The following ATR variants were observed in gnomAD, a reference collection of about 807,000 sequenced individuals.
ATR encodes the protein serine/threonine-protein kinase ATR.
A neutral mutation model predicts 305.3 loss-of-function variants in ATR; 142 were observed. The observed-to-expected ratio is 0.47, with a 90% CI of 0.41 to 0.53. The LOEUF (loss-of-function observed/expected upper bound fraction) is 0.53. ATR is among the 20% of genes least tolerant of loss of function. ATR has a pLI of 0.00. For synonymous variants in ATR, 1,050 were observed against 1,068.1 expected, an observed-to-expected ratio of 0.98 and a Z score of 0.33; for missense variants, 2,135 against 3,133.1, an observed-to-expected ratio of 0.68 and a Z score of 7.60.
At chr3:142,466,739 A>G (rs528270226) in intron 39 of ATR, among the ~76,000 whole-genome samples, 210 of 152,280 alleles carry the variant, frequency 1.4e-3, no homozygotes, top group African/African-American at 4.7e-3. Flanking sequence ...TAAAGGAGAG[A>G]GTAGAGGCCT....
Position 142,519,772 on chromosome 3 carries a change from T to C in ATR, c.4279A>G (p.Ile1427Val). 2 of 1,609,644 alleles carry C rather than the reference T, an allele frequency of 1.2e-6. No individual in the cohort carries two copies. Among genetic ancestry groups the C allele is most frequent in the Non-Finnish European group, 1.7e-6 (2 of 1,175,878 alleles). ...GTCTCCATCTCTCTACAGTCATAAATAGAAAGCAACTCCTACAAATACATA... is the reference window on the plus strand; with the variant it reads ...GTCTCCATCTCTCTACAGTCATAAACAGAAAGCAACTCCTACAAATACATA... Reference protein sequence around the residue: ...AAYAIQELLSIYDCREMETNG... With the variant: ...AAYAIQELLSVYDCREMETNG... The change falls in exon 24 of 47, where the codon ATT (isoleucine) becomes GTT (valine). Residue 1427 changes from isoleucine (I) to valine (V), a missense_variant. Transcript: ENST00000350721.
chr3:142,542,975 C>T (rs373135809), intron 16 of ATR, among the ~76,000 whole-genome samples: 7 of 151,852 alleles, frequency 4.6e-5, no homozygotes, highest in East Asian at 1.9e-4. Context: ...ATAGTCACCA[C>T]GAAAAAATAT....
Position 142,556,369 on chromosome 3 carries a change from A to G in ATR, c.2078+14T>C, listed in dbSNP as rs747202319. ...AATAGAGTGATATATTCAAATTAAA[A>G]TCTTAGTACATACATAAGAATCTTG... On this transcript the variant is annotated intron_variant, in intron 9 of 46. Transcript: ENST00000350721. 1 of 1,604,774 alleles carries G rather than the reference A, an allele frequency of 6.2e-7. No homozygotes were observed. Among genetic ancestry groups the G allele is most frequent in the Non-Finnish European group, 8.5e-7 (1 of 1,171,472 alleles).
chr3:142,470,551 A>G (rs1025279738), intron 36 of ATR, among the ~76,000 whole-genome samples: 1 of 152,114 alleles, frequency 6.6e-6, no homozygotes, highest in Non-Finnish European at 1.5e-5. Flanking sequence ...TATTTCTGGG[A>G]AATTATAATA....
chr3:142,560,641 A>G (rs1225256612), intron 5 of ATR, among the ~76,000 whole-genome samples, 187 bp from the exon 6 acceptor site: 5 of 151,968 alleles, frequency 3.3e-5, no homozygotes, highest in Non-Finnish European at 5.9e-5. Flanking sequence ...GCTCACTGCA[A>G]GCTCCGCCTC....
chr3:142,568,722 C>T (rs1270304629), intron 1 of ATR, among the ~76,000 whole-genome samples: 1 of 152,220 alleles, frequency 6.6e-6, no homozygotes, highest in Non-Finnish European at 1.5e-5. Flanking sequence ...TTGGAAATGC[C>T]TGCTCCCGCT....
intron 41 of ATR, among the ~76,000 whole-genome samples, chr3:142,462,527 G>A (rs981052266): frequency 2.7e-5 from 4 of 150,904 alleles, no homozygotes; most frequent in African/African-American, 9.8e-5. Context: ...GGAGTGCAGT[G>A]GCTCAATCTC....
At chr3:142,469,247 A>G in intron 38 of ATR, 90 bp downstream of exon 38, 1 of 1,061,452 alleles carries the variant, frequency 9.4e-7, no homozygotes, top group East Asian at 2.5e-5. Flanking sequence ...GACGCCCTGG[A>G]ACTTGTATCT....
intron 21 of ATR, among the ~76,000 whole-genome samples, chr3:142,529,749 T>C (rs1295427029): frequency 1.3e-5 from 2 of 152,160 alleles, no homozygotes; most frequent in African/African-American, 4.8e-5. Flanking sequence ...TGCTGCTATT[T>C]TCTAGGCCCA....
rs145678586 is a variant in ATR at position 142,481,063 on chromosome 3, G to A, written c.6221+4077C>T. On this transcript the variant is annotated intron_variant, in intron 36 of 46. Coordinates refer to ENST00000350721, the MANE Select transcript of ATR (RefSeq NM_001184.4). The stretch of plus-strand genomic sequence containing the variant: ...GTGAGGCAATGCCTTGCCCTGCTTC[G>A]GCTCATGCTCGGTGCGCTGCACCCA... Among the ~76,000 whole-genome samples the A allele has an allele frequency of 5.3e-3, 805 of 152,274 alleles. 2 individuals carry two copies. The highest frequency in any genetic ancestry group is 0.018 in the African/African-American group (768 of 41,546).
intron 26 of ATR, among the ~76,000 whole-genome samples, chr3:142,512,866 G>C (rs1201179782): frequency 6.6e-6 from 1 of 151,904 alleles, no homozygotes; most frequent in Non-Finnish European, 1.5e-5. Context: ...AAAAGAAAAG[G>C]AAAACACAAT....
intron 21 of ATR, among the ~76,000 whole-genome samples, chr3:142,532,800 C>T (rs189391245): frequency 1.1e-3 from 171 of 152,290 alleles, no homozygotes; most frequent in Admixed American, 2.0e-3. Context: ...CTTTTCCTCT[C>T]CCTGTGGCTA....
chr3:142,558,588 AAAAC>A, intron 8 of ATR, 32 bp downstream of exon 8: 1 of 1,561,894 alleles, frequency 6.4e-7, no homozygotes, highest in Middle Eastern at 1.7e-4. Context: ...ATAGATAAAT[AAAAC>A]AAACCACACA....
intron 16 of ATR, among the ~76,000 whole-genome samples, chr3:142,543,294 T>C (rs2034123883): frequency 2.0e-5 from 3 of 152,304 alleles, no homozygotes; most frequent in South Asian, 2.1e-4. Flanking sequence ...GATATCATCA[T>C]CCATGACGCT....
At chr3:142,539,496 TA>T (rs898843690) in intron 18 of ATR, among the ~76,000 whole-genome samples, 7 of 152,096 alleles carry the variant, frequency 4.6e-5, no homozygotes, top group African/African-American at 1.7e-4. Context: ...ATCAAACTTA[TA>T]AAAATCTACG....
chr3:142,483,435 TTAAGAA>T lies in ATR; in HGVS notation c.6221+1699_6221+1704del, dbSNP rs1329939778. Among the ~76,000 whole-genome samples, 14 of 152,182 alleles carry T rather than the reference TTAAGAA, an allele frequency of 9.2e-5. 1 individual carries two copies. Among genetic ancestry groups the T allele is most frequent in the East Asian group, 5.8e-4 (3 of 5,204 alleles). ...AGTTATATTTCACCTATTAACTAGTTTAAGAATAAGTACTTTCTACAAGTCTAATGT... is the reference window on the plus strand; with the variant it reads ...AGTTATATTTCACCTATTAACTAGTTTAAGTACTTTCTACAAGTCTAATGT... On this transcript the variant is annotated intron_variant, in intron 36 of 46. Transcript: ENST00000350721.
At chr3:142,466,129 G>GT (rs2071124881) in intron 40 of ATR, among the ~76,000 whole-genome samples, 195 bp downstream of exon 40, 1 of 152,074 alleles carries the variant, frequency 6.6e-6, no homozygotes, top group Non-Finnish European at 1.5e-5. Context: ...TGTGAATCAT[G>GT]AATCAGAACT....
chr3:142,555,270 C>T (rs79931343), intron 10 of ATR, among the ~76,000 whole-genome samples: 4,212 of 73,138 alleles, frequency 0.058, 179 homozygotes, highest in African/African-American at 0.15. Context: ...AAGAAAAGCA[C>T]ATTTCTCAAG....
intron 32 of ATR, among the ~76,000 whole-genome samples, chr3:142,497,998 TC>T (rs1205667900): frequency 2.0e-5 from 3 of 152,154 alleles, no homozygotes; most frequent in Admixed American, 2.0e-4. Context: ...AGTGGTCCAA[TC>T]TCTAGTTTCA....
Sources: gnomAD v4.1 joint callset for allele counts (sites outside exome capture counted in the v4.1 genomes callset) on GRCh38, gnomAD v4.1.1 for gene constraint, MANE v1.5 for transcripts, NCBI Gene and HGNC (gene_info 2026-07-23, HGNC 2026-07-21) for gene names.